Variants in FAR2 observed in about 807,000 individuals in gnomAD.
The protein encoded by FAR2 is fatty acyl-CoA reductase 2.
In FAR2, 19 loss-of-function variants were observed where a neutral mutation model predicts 56.0. The ratio of observed to expected loss-of-function variants is 0.34; its 90% confidence interval spans 0.24 to 0.50. The LOEUF (loss-of-function observed/expected upper bound fraction) is 0.50. Ranked by LOEUF, FAR2 falls within the 20% of genes least tolerant of loss-of-function variation. FAR2 has a pLI of 0.98. For missense variants in FAR2, 508 were observed against 642.2 expected (o/e 0.79, Z 2.26); for synonymous variants, 219 against 218.8 (o/e 1.00, Z -0.01).
At chr12:29,235,706 C>T (rs1947929707) in intron 1 of FAR2, among the ~76,000 whole-genome samples, 1 of 152,046 alleles carries the variant, frequency 6.6e-6, no homozygotes, top group Non-Finnish European at 1.5e-5. Flanking sequence ...TTACTGATCA[C>T]CTACAGTGCA....
chr12:29,304,301 T>G (rs1949221824), intron 4 of FAR2, among the ~76,000 whole-genome samples: 1 of 152,200 alleles, frequency 6.6e-6, no homozygotes, highest in Admixed American at 6.5e-5. Flanking sequence ...AACATGCATT[T>G]ACTGAATAAG....
At chr12:29,201,464 A>T (rs1947410846) in intron 1 of FAR2, among the ~76,000 whole-genome samples, 1 of 152,224 alleles carries the variant, frequency 6.6e-6, no homozygotes, top group South Asian at 2.1e-4. Flanking sequence ...GATTTCAGAC[A>T]GTTATACCAA....
intron 1 of FAR2, among the ~76,000 whole-genome samples, chr12:29,237,451 T>G (rs1470284632): frequency 1.3e-5 from 2 of 152,182 alleles, no homozygotes; most frequent in African/African-American, 4.8e-5. Context: ...TAAGATGTCC[T>G]TGAAGGAGTA....
chr12:29,222,706 G>A (rs753645003), intron 1 of FAR2, among the ~76,000 whole-genome samples: 24 of 152,182 alleles, frequency 1.6e-4, no homozygotes, highest in Middle Eastern at 3.2e-3. Context: ...TCAATGTCAA[G>A]GCTTAGTTCA....
intron 10 of FAR2, among the ~76,000 whole-genome samples, chr12:29,328,472 A>G (rs1949681555): frequency 6.6e-6 from 1 of 152,210 alleles, no homozygotes; most frequent in Non-Finnish European, 1.5e-5. Flanking sequence ...ACTAGTCACA[A>G]TGGCAAAGAC....
rs375739748 is a variant in FAR2, at chr12:29,333,769, G to C, written c.1523G>C (p.Arg508Thr). ...TGTTATAAATTCCTCTCCTACTTTA[G>C]AGCATCCAGCACGCTCAAAGTTTAA... ...SFCYKFLSYF[R>T]ASSTLKV The change falls in exon 12 of 12, where the codon AGA becomes ACA. Residue 508 changes from arginine (R) to threonine (T), a missense_variant. Transcript: ENST00000536681. 43 of 1,613,504 alleles carry C rather than the reference G, an allele frequency of 2.7e-5. No homozygotes were observed. The highest frequency in any genetic ancestry group is 5.3e-5 in the African/African-American group (4 of 74,862).
At chr12:29,202,741 C>G (rs912079032) in intron 1 of FAR2, among the ~76,000 whole-genome samples, 4 of 152,206 alleles carry the variant, frequency 2.6e-5, no homozygotes, top group Non-Finnish European at 4.4e-5. Flanking sequence ...TGCTCCCTCT[C>G]TCTCCATGTG....
At chr12:29,261,199 T>C (rs1224894907) in intron 1 of FAR2, among the ~76,000 whole-genome samples, 2 of 152,094 alleles carry the variant, frequency 1.3e-5, no homozygotes, top group African/African-American at 4.8e-5. Flanking sequence ...AGAGAAGGAA[T>C]TTAGAATACT....
At chr12:29,234,312 T>A (rs147944716) in intron 1 of FAR2, among the ~76,000 whole-genome samples, 4 of 152,168 alleles carry the variant, frequency 2.6e-5, no homozygotes, top group African/African-American at 9.7e-5. Flanking sequence ...GTTCTCTTTT[T>A]TCCCCTTTCC....
intron 1 of FAR2, among the ~76,000 whole-genome samples, chr12:29,226,819 AC>A (rs1947776294): frequency 6.6e-6 from 1 of 152,148 alleles, no homozygotes; most frequent in African/African-American, 2.4e-5. Context: ...CCCAATGTTT[AC>A]CAATGTGTTA....
intron 1 of FAR2, among the ~76,000 whole-genome samples, chr12:29,183,193 T>G (rs1487906469): frequency 1.3e-5 from 2 of 152,184 alleles, no homozygotes; most frequent in East Asian, 3.8e-4. Context: ...CTGGTTTTCC[T>G]CCTACCTCTG....
chr12:29,249,016 G>T (rs6487790), intron 1 of FAR2, among the ~76,000 whole-genome samples: 59,094 of 151,938 alleles, frequency 0.39, 11,754 homozygotes, highest in African/African-American at 0.47. Flanking sequence ...CACACATGCT[G>T]TACAATTTGT....
At chr12:29,215,232 C>T (rs879338247) in intron 1 of FAR2, among the ~76,000 whole-genome samples, 1 of 151,946 alleles carries the variant, frequency 6.6e-6, no homozygotes, top group African/African-American at 2.4e-5. Context: ...TACTTCTGAG[C>T]TAAATATGAA....
intron 1 of FAR2, among the ~76,000 whole-genome samples, chr12:29,263,359 C>T (rs900485364): frequency 1.3e-5 from 2 of 152,094 alleles, no homozygotes; most frequent in South Asian, 2.1e-4. Flanking sequence ...TTCTTCTCCT[C>T]AGAACATGGA....
At chr12:29,251,203 A>G (rs989485516) in intron 1 of FAR2, among the ~76,000 whole-genome samples, 1 of 152,218 alleles carries the variant, frequency 6.6e-6, no homozygotes, top group Non-Finnish European at 1.5e-5. Flanking sequence ...ACAGATAATC[A>G]TGGCGCCACT....
chr12:29,266,069 A>T (rs1948510971), intron 1 of FAR2, among the ~76,000 whole-genome samples: 1 of 152,194 alleles, frequency 6.6e-6, no homozygotes, highest in Admixed American at 6.5e-5. Flanking sequence ...GTTGGTAGGC[A>T]TGTACATTAG....
intron 4 of FAR2, among the ~76,000 whole-genome samples, chr12:29,297,980 G>A (rs1949098248): frequency 6.7e-6 from 1 of 149,058 alleles, no homozygotes; most frequent in African/African-American, 2.5e-5. Context: ...AGGTTGCAAT[G>A]AGCCGAGATT....
intron 2 of FAR2, among the ~76,000 whole-genome samples, chr12:29,271,787 T>A (rs1366195476): frequency 6.6e-6 from 1 of 152,188 alleles, no homozygotes; most frequent in East Asian, 1.9e-4. Context: ...TATCCAAAGG[T>A]CTTTTCACAC....
At chr12:29,280,514 T>C (rs1434302925) in intron 2 of FAR2, 1 of 152,250 alleles carries the variant, frequency 6.6e-6, no homozygotes, top group Non-Finnish European at 1.5e-5. Flanking sequence ...TTCACCAGTC[T>C]GTGCCATATG....
Sources: allele counts gnomAD v4.1 joint callset (sites outside exome capture counted in the v4.1 genomes callset), GRCh38; gene constraint gnomAD v4.1.1; transcripts MANE v1.5; gene names NCBI Gene and HGNC (gene_info 2026-07-23, HGNC 2026-07-21).